The following UCHL5 variants were observed in gnomAD, a reference collection of about 807,000 sequenced individuals.
The protein encoded by UCHL5 is ubiquitin C-terminal hydrolase L5, also known as ubiquitin carboxyl-terminal hydrolase isozyme L5.
Under a neutral mutation model 53.8 loss-of-function variants are expected in UCHL5, and 34 were observed. The observed-to-expected ratio is 0.63, with a 90% CI of 0.48 to 0.84. The LOEUF (loss-of-function observed/expected upper bound fraction) is 0.84, where lower values mean the gene tolerates loss of function less well. Ranked by LOEUF, UCHL5 falls within the 40% of genes least tolerant of loss-of-function variation. UCHL5 has a pLI of 0.00. For missense variants in UCHL5, 290 were observed against 385.6 expected (o/e 0.75, Z 2.08); for synonymous variants, 111 against 126.3 (o/e 0.88, Z 0.81).
At chr1:193,021,623 A>C (rs1657041658) in intron 9 of UCHL5, among the ~76,000 whole-genome samples, 1 of 152,156 alleles carries the variant, frequency 6.6e-6, no homozygotes, top group African/African-American at 2.4e-5. Context: ...GCAGGAAAAA[A>C]TTTCTACTTC....
chr1:193,051,721 T>C (rs998638261), intron 2 of UCHL5, 33 bp downstream of exon 2: 3 of 1,300,816 alleles, frequency 2.3e-6, no homozygotes, highest in South Asian at 1.3e-5. Context: ...AGTATATATA[T>C]ATACATATTA....
chr1:193,040,009 A>C (rs1664987824), intron 3 of UCHL5, among the ~76,000 whole-genome samples: 1 of 152,232 alleles, frequency 6.6e-6, no homozygotes, highest in Non-Finnish European at 1.5e-5. Context: ...AATGGATTAA[A>C]GACTTAAATA....
intron 3 of UCHL5, among the ~76,000 whole-genome samples, chr1:193,044,909 A>G (rs1666883685): frequency 1.3e-5 from 2 of 152,210 alleles, no homozygotes; most frequent in South Asian, 4.1e-4. Flanking sequence ...ATAAAGTACC[A>G]AAACAATGAT....
chr1:193,059,908 C>A, upstream of UCHL5: 1 of 1,365,932 alleles, frequency 7.3e-7, no homozygotes, highest in Non-Finnish European at 9.8e-7. The surrounding 1 kb of genome is among the most constrained non-coding windows in gnomAD (Gnocchi z 4.9). Flanking sequence ...GAAACTATCG[C>A]TCTTCCCCGT....
intron 7 of UCHL5, among the ~76,000 whole-genome samples, chr1:193,024,232 AC>A (rs1334476878): frequency 6.6e-6 from 1 of 151,348 alleles, no homozygotes; most frequent in Non-Finnish European, 1.5e-5. Flanking sequence ...ACAGAACAAG[AC>A]CCTGTCTCTT....
At chr1:193,024,085 C>T (rs566405050) in intron 7 of UCHL5, 139 bp from the exon 8 acceptor site, 2 of 679,408 alleles carry the variant, frequency 2.9e-6, no homozygotes, top group Non-Finnish European at 4.7e-6. Flanking sequence ...AAAATGGACA[C>T]TTTTAAAAAG....
At position 193,012,656 on chromosome 1, in the gene UCHL5, TC is replaced by T. The variant is rs1654329113; in HGVS notation, c.*3694del. The T allele has an allele frequency of 6.6e-6, 1 of 152,186 alleles. No individual in the cohort carries two copies. The highest frequency in any genetic ancestry group is 2.4e-5 in the African/African-American group (1 of 41,448). The allele number at this position is 152,186 out of a possible 1,614,324, so 9.4% of individuals were successfully genotyped here. ...AAAGTACATCTCATTAATGGGATCT[TC>T]CATGACCATTCTATCAAACCTCAGC... On this transcript the variant is annotated 3_prime_UTR_variant, in exon 11 of 11. Coordinates refer to ENST00000367454, the MANE Select transcript of UCHL5 (RefSeq NM_001199261.3).
At chr1:193,054,801 A>C (rs9427837) in intron 1 of UCHL5, among the ~76,000 whole-genome samples, 2,911 of 152,302 alleles carry the variant, frequency 0.019, 92 homozygotes, top group African/African-American at 0.065. Flanking sequence ...CGTTGGACCC[A>C]AACGTCTTTC....
intron 1 of UCHL5, among the ~76,000 whole-genome samples, chr1:193,053,603 G>C (rs1476553342): frequency 1.3e-5 from 2 of 152,148 alleles, no homozygotes; most frequent in Non-Finnish European, 2.9e-5. Flanking sequence ...CCTTGAGAAA[G>C]AACACAATTT....
chr1:193,021,159 A>G lies in UCHL5; in HGVS notation c.880T>C (p.Phe294Leu), dbSNP rs1656872131. ...AAAGTCTTTAACAATTCCATAATGA[A>G]AGGCAGATAATTATGCTTCCTTCTG... ...NIRRKHNYLP[F>L]IMELLKTLAE... The change falls in exon 10 of 11, where the codon TTC becomes CTC. Residue 294 changes from phenylalanine (F) to leucine (L), a missense_variant. By Grantham distance (22) the Phe-to-Leu change is conservative. Coordinates refer to ENST00000367454, the MANE Select transcript of UCHL5 (RefSeq NM_001199261.3). The G allele has an allele frequency of 6.2e-7, 1 of 1,610,116 alleles. No individual in the cohort carries two copies. Among genetic ancestry groups the G allele is most frequent in the African/African-American group, 1.3e-5 (1 of 74,830 alleles).
At chr1:193,052,202 C>T (rs1669271553) in intron 1 of UCHL5, among the ~76,000 whole-genome samples, 1 of 151,874 alleles carries the variant, frequency 6.6e-6, no homozygotes, top group South Asian at 2.1e-4. Flanking sequence ...ATAACTAATA[C>T]TTAACAGTAA....
rs1171180805 is a variant in UCHL5 at position 193,014,371 on chromosome 1, C to A, written c.*1980G>T. ...TTTTATTAGATTAATAAGAAAAATC[C>A]TTATACCTATTAATATAGTCATTTT... On this transcript the variant is annotated 3_prime_UTR_variant, in exon 11 of 11. Transcript: ENST00000367454. The A allele has an allele frequency of 1.3e-5, 2 of 152,096 alleles. No homozygotes were observed. The highest frequency in any genetic ancestry group is 2.9e-5 in the Non-Finnish European group (2 of 67,978). 9.4% of individuals were successfully genotyped at this position (152,096 alleles called of 1,614,324 possible).
At chr1:193,042,415 T>C (rs1202042666) in intron 3 of UCHL5, among the ~76,000 whole-genome samples, 1 of 152,178 alleles carries the variant, frequency 6.6e-6, no homozygotes, top group East Asian at 1.9e-4. Context: ...ACCAATCATA[T>C]ATATGTGTTA....
chr1:193,033,942 A>T (rs1662451531), intron 3 of UCHL5, among the ~76,000 whole-genome samples: 1 of 152,218 alleles, frequency 6.6e-6, no homozygotes, highest in African/African-American at 2.4e-5. Flanking sequence ...TTCAAGAGAC[A>T]ATGAGCATAT....
chr1:193,052,436 CTA>C lies in UCHL5; in HGVS notation c.77-621_77-620del, dbSNP rs936084426. On this transcript the variant is annotated intron_variant, in intron 1 of 10. Transcript: ENST00000367454. ...ACGGTAGGGGAGAGGCTACTAGCAA[CTA>C]TTTGGTAGAGGCCAGGGATGCTGAT... Among the ~76,000 whole-genome samples, 315 of 152,234 alleles carry C rather than the reference CTA, an allele frequency of 2.1e-3. 2 individuals are homozygous for C. Among genetic ancestry groups the C allele is most frequent in the African/African-American group, 7.4e-3 (307 of 41,550 alleles).
At chr1:193,034,999 T>C (rs973376427) in intron 3 of UCHL5, among the ~76,000 whole-genome samples, 1 of 152,008 alleles carries the variant, frequency 6.6e-6, no homozygotes, top group Non-Finnish European at 1.5e-5. Context: ...TCTTTTAAGT[T>C]GCAAGTGGTT....
intron 1 of UCHL5, among the ~76,000 whole-genome samples, chr1:193,058,884 G>C (rs907079731): frequency 1.3e-5 from 2 of 152,366 alleles, no homozygotes; most frequent in African/African-American, 2.4e-5. Flanking sequence ...GTGCTTAAGA[G>C]CTTGGGGAGC....
chr1:193,059,081 AC>A lies in UCHL5; in HGVS notation c.76+103del, dbSNP rs962550823. ...ACCCGGACTCCAGGTTCCTGAAGTC[AC>A]CTCTCCAGACGCGGGGCGGCGGTGG... On this transcript the variant is annotated intron_variant, in intron 1 of 10. Coordinates refer to ENST00000367454, the MANE Select transcript of UCHL5 (RefSeq NM_001199261.3). The surrounding 1 kb of genome is among the most constrained non-coding windows in gnomAD (Gnocchi z 4.9). 1.0e-5 allele frequency: 13 copies of A among 1,246,396 alleles called. No homozygotes were observed. In the African/African-American group the frequency reaches 1.4e-4, roughly 13 times the overall value. 77.2% of individuals were successfully genotyped at this position (1,246,396 alleles called of 1,614,324 possible).
At chr1:193,048,756 A>G (rs559101784) in intron 3 of UCHL5, among the ~76,000 whole-genome samples, 1 of 152,354 alleles carries the variant, frequency 6.6e-6, no homozygotes, top group South Asian at 2.1e-4. Flanking sequence ...CATTTAAAAG[A>G]TTTGCAAAAA....
Sources: allele counts gnomAD v4.1 joint callset (sites outside exome capture counted in the v4.1 genomes callset), GRCh38; gene constraint gnomAD v4.1.1; non-coding constraint Gnocchi (gnomAD v3.1); transcripts MANE v1.5; gene names NCBI Gene and HGNC (gene_info 2026-07-23, HGNC 2026-07-21).